Variants in EBF3 observed in about 807,000 individuals in gnomAD.
The protein encoded by EBF3 is EBF transcription factor 3.
In EBF3, 18 loss-of-function variants were observed where a neutral mutation model predicts 77.1. That is an observed-to-expected ratio of 0.23 (90% confidence interval 0.16 to 0.35). The LOEUF (loss-of-function observed/expected upper bound fraction) is 0.35, where lower values mean the gene tolerates loss of function less well. EBF3 is among the 10% of genes least tolerant of loss of function. The probability of loss-of-function intolerance (pLI) is 1.00; values close to 1 mark genes in which losing one functional copy is unlikely to be tolerated. For synonymous variants in EBF3, 350 were observed against 343.5 expected (o/e 1.02, Z -0.21); for missense variants, 558 against 860.0 (o/e 0.65, Z 4.39).
At chr10:129,905,778 C>T (rs1022626551) in intron 6 of EBF3, among the ~76,000 whole-genome samples, 14 of 152,166 alleles carry the variant, frequency 9.2e-5, no homozygotes, top group African/African-American at 9.7e-5. Context: ...GAATTGAACT[C>T]GCCTCCACCC....
At chr10:129,883,230 C>T (rs535407520) in intron 6 of EBF3, among the ~76,000 whole-genome samples, 5 of 152,138 alleles carry the variant, frequency 3.3e-5, no homozygotes, top group Admixed American at 2.0e-4. Flanking sequence ...CCTGAAAAGA[C>T]GCCTCATCAA....
intron 6 of EBF3, among the ~76,000 whole-genome samples, chr10:129,901,818 C>T (rs951008705): frequency 6.6e-6 from 1 of 152,156 alleles, no homozygotes; most frequent in Non-Finnish European, 1.5e-5. Flanking sequence ...GGCCTCGTGG[C>T]GAGGGCTGCA....
chr10:129,876,885 A>ACCCCCCCCCCCCCCCCCCCCC lies in EBF3; in HGVS notation c.636+882_636+883insGGGGGGGGGGGGGGGGGGGGG, dbSNP rs10573399. 1.7e-3 allele frequency among the ~76,000 whole-genome samples: 74 copies of ACCCCCCCCCCCCCCCCCCCCC among 42,402 alleles called. 2 individuals are homozygous for ACCCCCCCCCCCCCCCCCCCCC. The highest frequency in any genetic ancestry group is 2.1e-3 in the Non-Finnish European group (47 of 22,666). 27.8% of individuals were successfully genotyped at this position (42,402 alleles called of 152,430 possible). On this transcript the variant is annotated intron_variant, in intron 7 of 16. Transcript: ENST00000440978. ...TAAATCTATCATAATTCATCCCTGA[A>ACCCCCCCCCCCCCCCCCCCCC]CCCCCCCCCCCCCCCCACCCAGCTA...
Position 129,964,134 on chromosome 10 carries a change from GC to G in EBF3, c.-367del. The G allele has an allele frequency of 1.0e-6, 1 of 985,010 alleles. No homozygotes were observed. Among genetic ancestry groups the G allele is most frequent in the Non-Finnish European group, 1.2e-6 (1 of 829,796 alleles). The allele number at this position is 985,010 out of a possible 1,614,324, so 61.0% of individuals were successfully genotyped here. On this transcript the variant is annotated 5_prime_UTR_variant, in exon 1 of 17. Coordinates refer to ENST00000440978, the MANE Select transcript of EBF3 (RefSeq NM_001375380.1). The surrounding 1 kb of genome is among the most constrained non-coding windows in gnomAD (Gnocchi z 4.5). Reference sequence around the variant, plus strand: ...TGCGGGATCGCCCGCTTCTGGCGCGGCCCGCCTGCTCCAAAGACAAATAAAC... The same window carrying G: ...TGCGGGATCGCCCGCTTCTGGCGCGGCCGCCTGCTCCAAAGACAAATAAAC...
At chr10:129,856,693 A>T (rs1589716898) in intron 10 of EBF3, among the ~76,000 whole-genome samples, 1 of 152,150 alleles carries the variant, frequency 6.6e-6, no homozygotes, top group African/African-American at 2.4e-5. Context: ...GGGAAGGAGG[A>T]ATGGGGCAAC....
At chr10:129,849,520 CG>C (rs1001423880) in intron 10 of EBF3, among the ~76,000 whole-genome samples, 1 of 152,188 alleles carries the variant, frequency 6.6e-6, no homozygotes, top group Admixed American at 6.5e-5. Flanking sequence ...ACAAAGACTG[CG>C]GCTTCCGGAG....
chr10:129,896,505 C>T (rs985036114), intron 6 of EBF3, among the ~76,000 whole-genome samples: 5 of 152,180 alleles, frequency 3.3e-5, no homozygotes, highest in East Asian at 1.9e-4. Context: ...GGGCGGGGGC[C>T]GGCGTGGGCC....
chr10:129,851,819 C>T (rs1033543767), intron 10 of EBF3, among the ~76,000 whole-genome samples: 8 of 152,082 alleles, frequency 5.3e-5, no homozygotes, highest in South Asian at 2.1e-4. Flanking sequence ...CTTTATTAAC[C>T]GTGCCATAAG....
At chr10:129,862,030 TG>T (rs1004586079) in intron 10 of EBF3, among the ~76,000 whole-genome samples, 7 of 152,042 alleles carry the variant, frequency 4.6e-5, no homozygotes, top group African/African-American at 1.7e-4. Context: ...GGGAGTGAAG[TG>T]GGACTAAATT....
At chr10:129,855,561 C>T (rs751320015) in intron 10 of EBF3, among the ~76,000 whole-genome samples, 3 of 152,312 alleles carry the variant, frequency 2.0e-5, no homozygotes, top group Non-Finnish European at 4.4e-5. Context: ...GGGAGACAGG[C>T]ACTTCCCAAG....
In EBF3 at chr10:129,963,234, C is replaced by T. The variant is rs1442928838; in HGVS notation, c.291+133G>A. On this transcript the variant is annotated intron_variant, in intron 2 of 16. Coordinates refer to ENST00000440978, the MANE Select transcript of EBF3 (RefSeq NM_001375380.1). This position sits in a 1 kb window ranked among gnomAD's most constrained non-coding sequence, Gnocchi z 7.1. ...AGCCCTCGGCGGTCCCGGGCGGCCG[C>T]ACGTGGCGGCGGCGGGGTGGCCTGG... The T allele has an allele frequency of 2.3e-6, 3 of 1,329,750 alleles. No homozygotes were observed. The highest frequency in any genetic ancestry group is 2.0e-6 in the Non-Finnish European group (2 of 1,016,516). The allele number at this position is 1,329,750 out of a possible 1,614,324, so 82.4% of individuals were successfully genotyped here. A position where few individuals can be genotyped will look rare whatever the true frequency, so the allele number is the denominator to read the frequency against.
chr10:129,963,937 A>C lies in EBF3; in HGVS notation c.-169T>G. ...GTCCCGGGCAGGCGCGACATACACCAGCGGCCGGGCGCTCCGGACGGCCAG... is the reference window on the plus strand; with the variant it reads ...GTCCCGGGCAGGCGCGACATACACCCGCGGCCGGGCGCTCCGGACGGCCAG... On this transcript the variant is annotated 5_prime_UTR_variant, in exon 1 of 17. Transcript: ENST00000440978. The surrounding 1 kb of genome is among the most constrained non-coding windows in gnomAD (Gnocchi z 7.1). The C allele has an allele frequency of 9.5e-7, 1 of 1,057,970 alleles. No homozygotes were observed. 65.5% of individuals were successfully genotyped at this position (1,057,970 alleles called of 1,614,324 possible).
At chr10:129,923,410 C>G (rs1856445461) in intron 6 of EBF3, among the ~76,000 whole-genome samples, 1 of 152,132 alleles carries the variant, frequency 6.6e-6, no homozygotes, top group Non-Finnish European at 1.5e-5. Context: ...CTACAGTAAC[C>G]AAAACAGTGT....
At chr10:129,900,764 A>T (rs1854724178) in intron 6 of EBF3, among the ~76,000 whole-genome samples, 1 of 152,256 alleles carries the variant, frequency 6.6e-6, no homozygotes, top group South Asian at 2.1e-4. Flanking sequence ...ACTTCTGCAT[A>T]CAGATTTCTT....
chr10:129,884,070 C>G (rs974314345), intron 6 of EBF3, among the ~76,000 whole-genome samples: 3 of 152,122 alleles, frequency 2.0e-5, no homozygotes, highest in African/African-American at 7.2e-5. Flanking sequence ...AAAGATAGAG[C>G]CTTTAAGAGA....
At chr10:129,847,178 G>C (rs1254747857) in intron 11 of EBF3, among the ~76,000 whole-genome samples, 1 of 152,116 alleles carries the variant, frequency 6.6e-6, no homozygotes, top group Non-Finnish European at 1.5e-5. Context: ...AGCTGCTGGG[G>C]TGTCTTCCCT....
At chr10:129,896,802 G>A (rs1031144071) in intron 6 of EBF3, among the ~76,000 whole-genome samples, 6 of 152,190 alleles carry the variant, frequency 3.9e-5, no homozygotes, top group Non-Finnish European at 7.3e-5. Context: ...CTGGTGACAC[G>A]CCCAGCCCGT....
chr10:129,867,141 C>T lies in EBF3; in HGVS notation c.1039G>A (p.Ala347Thr). 2 of 1,612,480 alleles carry T rather than the reference C, an allele frequency of 1.2e-6. No individual in the cohort carries two copies. The highest frequency in any genetic ancestry group is 1.7e-6 in the Non-Finnish European group (2 of 1,179,432). ...KGAPGRFVYT[A>T]LNEPTIDYGF... Reference sequence around the variant, plus strand: ...GCAGAAGCTGGAGCTGTGAACTCACCGGTGTAGACAAAGCGCCCAGGAGCA... The same window carrying T: ...GCAGAAGCTGGAGCTGTGAACTCACTGGTGTAGACAAAGCGCCCAGGAGCA... Residue 347 changes from alanine (A) to threonine (T), a missense_variant and splice_region_variant, in exon 10 of 17, where the codon GCC (alanine) becomes ACC (threonine). Ala to Thr is a moderately conservative substitution (Grantham distance 58). Around this residue, in one of 5 missense-constraint regions of EBF3, gnomAD observed 112 missense variants for 207.7 expected, o/e 0.54. Transcript: ENST00000440978.
intron 6 of EBF3, among the ~76,000 whole-genome samples, chr10:129,949,503 G>T (rs1223515191): frequency 6.6e-6 from 1 of 152,164 alleles, no homozygotes; most frequent in African/African-American, 2.4e-5. Flanking sequence ...GATGGGACTC[G>T]TGGGGGAACG....
Sources: gnomAD v4.1 joint callset for allele counts (sites outside exome capture counted in the v4.1 genomes callset) on GRCh38, gnomAD v4.1.1 for gene constraint, gnomAD v4.1.1 regional missense constraint, Gnocchi (gnomAD v3.1) non-coding constraint, MANE v1.5 for transcripts, NCBI Gene and HGNC (gene_info 2026-07-23, HGNC 2026-07-21) for gene names.